ADAMTS6: variants seen among roughly 807,000 people sequenced by gnomAD.
ADAMTS6 encodes ADAM metallopeptidase with thrombospondin type 1 motif 6.
In ADAMTS6, 23 loss-of-function variants were observed where a neutral mutation model predicts 144.3. The observed-to-expected ratio is 0.16, with a 90% CI of 0.11 to 0.23. The LOEUF is 0.23. Among genes scored for constraint, ADAMTS6 ranks in the 10% least tolerant of loss-of-function variants. The pLI is 1.00. For missense variants in ADAMTS6, 999 were observed against 1,379.6 expected (o/e 0.72, Z 4.37); for synonymous variants, 444 against 457.5 (o/e 0.97, Z 0.38).
chr5:65,376,556 G>A (rs1180333301), intron 7 of ADAMTS6, among the ~76,000 whole-genome samples: 3 of 152,094 alleles, frequency 2.0e-5, no homozygotes, highest in African/African-American at 4.8e-5. Flanking sequence ...TACAGGCCCG[G>A]CATGGTGGCT....
At chr5:65,426,980 A>G (rs1264980185) in intron 7 of ADAMTS6, among the ~76,000 whole-genome samples, 2 of 152,170 alleles carry the variant, frequency 1.3e-5, no homozygotes, top group Admixed American at 6.5e-5. Context: ...GAAACAGAAC[A>G]AACTTTACAG....
chr5:65,252,432 G>A (rs949442397), intron 14 of ADAMTS6, among the ~76,000 whole-genome samples: 2 of 151,572 alleles, frequency 1.3e-5, no homozygotes, highest in African/African-American at 2.4e-5. Flanking sequence ...TAGTAGAGAC[G>A]GTGTCCCACC....
intron 14 of ADAMTS6, among the ~76,000 whole-genome samples, chr5:65,250,798 G>A (rs1760091460): frequency 6.6e-6 from 1 of 152,108 alleles, no homozygotes; most frequent in Admixed American, 6.6e-5. Flanking sequence ...CTAAGCACCA[G>A]GAAACTCCTT....
intron 15 of ADAMTS6, among the ~76,000 whole-genome samples, chr5:65,238,529 G>A (rs894799808): frequency 4.6e-5 from 7 of 151,916 alleles, no homozygotes; most frequent in Non-Finnish European, 1.0e-4. Flanking sequence ...GAGCCCAGGA[G>A]GTGGAGGTTT....
chr5:65,439,212 C>T (rs1480280948), intron 7 of ADAMTS6, among the ~76,000 whole-genome samples: 1 of 151,740 alleles, frequency 6.6e-6, no homozygotes, highest in East Asian at 1.9e-4. Context: ...TACCTAATAT[C>T]GAAAGAATAA....
chr5:65,410,636 T>C (rs1045387816), intron 7 of ADAMTS6, among the ~76,000 whole-genome samples: 1 of 152,168 alleles, frequency 6.6e-6, no homozygotes, highest in East Asian at 1.9e-4. Flanking sequence ...CATGAATTTA[T>C]TCCTCCAAAT....
intron 7 of ADAMTS6, among the ~76,000 whole-genome samples, chr5:65,346,962 AAAACCTTAGGAATAC>A (rs906104437): frequency 6.6e-6 from 1 of 151,810 alleles, no homozygotes; most frequent in Non-Finnish European, 1.5e-5. Context: ...ATTAAAAAAA[AAAACCTTAGGAATAC>A]ATTTAGCCAA....
rs1244119961 is a variant in ADAMTS6, at chr5:65,167,665, C to G, written c.3244+2952G>C. ...TACTGGCAAACCGAATCCAGCAGCA[C>G]ATCAAAAAGCTTATCCACCATGACC... On this transcript the variant is annotated intron_variant, in intron 24 of 24. Coordinates refer to ENST00000381055, the MANE Select transcript of ADAMTS6 (RefSeq NM_197941.4). Among the ~76,000 whole-genome samples the G allele has an allele frequency of 3.9e-4, 49 of 127,230 alleles. No homozygotes were observed. In the East Asian group the frequency reaches 6.6e-3, roughly 17 times the overall value. 83.5% of individuals were successfully genotyped at this position (127,230 alleles called of 152,430 possible).
At chr5:65,348,435 T>C (rs1748550917) in intron 7 of ADAMTS6, among the ~76,000 whole-genome samples, 1 of 152,090 alleles carries the variant, frequency 6.6e-6, no homozygotes, top group South Asian at 2.1e-4. Context: ...TGGTCTCATA[T>C]ATGGGATCCA....
chr5:65,475,310 T>C (rs1290578969), intron 1 of ADAMTS6, among the ~76,000 whole-genome samples: 2 of 152,230 alleles, frequency 1.3e-5, no homozygotes, highest in Non-Finnish European at 2.9e-5. Flanking sequence ...CATTTGTCTC[T>C]ACAAGTTATT....
At chr5:65,291,267 T>C (rs1742275418) in intron 11 of ADAMTS6, 62 bp downstream of exon 11, 2 of 1,539,642 alleles carry the variant, frequency 1.3e-6, no homozygotes, top group Non-Finnish European at 1.8e-6. Context: ...AATTCCATCT[T>C]AACATCTGTG....
chr5:65,360,580 G>C (rs1749733078), intron 7 of ADAMTS6, among the ~76,000 whole-genome samples: 1 of 151,814 alleles, frequency 6.6e-6, no homozygotes, highest in South Asian at 2.1e-4. Flanking sequence ...ACAAGTCAAT[G>C]TGTTATAATG....
chr5:65,273,926 G>A (rs1276225142), intron 11 of ADAMTS6, among the ~76,000 whole-genome samples: 1 of 152,156 alleles, frequency 6.6e-6, no homozygotes, highest in African/African-American at 2.4e-5. Context: ...AGAATTTAAT[G>A]TATGAATTTT....
chr5:65,327,736 G>A (rs1192104853), intron 9 of ADAMTS6, among the ~76,000 whole-genome samples: 3 of 152,072 alleles, frequency 2.0e-5, no homozygotes, highest in Non-Finnish European at 4.4e-5. Flanking sequence ...CTTTATAAAA[G>A]ATACAAAGAA....
At chr5:65,326,905 C>A (rs1746225305) in intron 9 of ADAMTS6, among the ~76,000 whole-genome samples, 1 of 151,968 alleles carries the variant, frequency 6.6e-6, no homozygotes, top group Non-Finnish European at 1.5e-5. Context: ...CCTAATTGAC[C>A]AAATAATAAT....
intron 3 of ADAMTS6, among the ~76,000 whole-genome samples, chr5:65,464,238 T>C (rs528311280): frequency 2.7e-4 from 41 of 152,282 alleles, no homozygotes; most frequent in South Asian, 6.2e-4. Context: ...CTCAGAATAT[T>C]TTAAATGCAG....
intron 7 of ADAMTS6, among the ~76,000 whole-genome samples, chr5:65,388,212 CA>C (rs34083197): frequency 2.0e-5 from 3 of 149,970 alleles, no homozygotes; most frequent in East Asian, 1.9e-4. Flanking sequence ...CCAACCCCCC[CA>C]AAAAAAAAGA....
intron 3 of ADAMTS6, among the ~76,000 whole-genome samples, chr5:65,469,502 T>C (rs1304138711): frequency 6.6e-6 from 1 of 152,214 alleles, no homozygotes; most frequent in African/African-American, 2.4e-5. Flanking sequence ...TTAGAACACA[T>C]TTTGGATAAT....
At chr5:65,159,494 C>T (rs541701116) in intron 24 of ADAMTS6, among the ~76,000 whole-genome samples, 12 of 152,344 alleles carry the variant, frequency 7.9e-5, no homozygotes, top group Non-Finnish European at 1.3e-4. Flanking sequence ...GCCCCTGTGA[C>T]TGCACACACT....
Sources: allele counts gnomAD v4.1 joint callset (sites outside exome capture counted in the v4.1 genomes callset), GRCh38; gene constraint gnomAD v4.1.1; transcripts MANE v1.5; gene names NCBI Gene and HGNC (gene_info 2026-07-23, HGNC 2026-07-21).